The following QSER1 variants were observed in gnomAD, a reference collection of about 807,000 sequenced individuals.
QSER1 encodes the protein glutamine and serine rich 1.
A neutral mutation model predicts 158.5 loss-of-function variants in QSER1; 49 were observed. The observed-to-expected ratio is 0.31, with a 90% confidence interval of 0.25 to 0.39. The LOEUF is 0.39. Ranked by LOEUF, QSER1 falls within the 10% of genes least tolerant of loss-of-function variation. The probability of loss-of-function intolerance (pLI) is 1.00; values close to 1 mark genes in which losing one functional copy is unlikely to be tolerated. For missense variants in QSER1, 1,754 were observed against 2,010.3 expected, an observed-to-expected ratio of 0.87 and a Z score of 2.44; for synonymous variants, 650 against 715.5, an observed-to-expected ratio of 0.91 and a Z score of 1.46.
Position 32,900,151 on chromosome 11 carries a change from C to T in QSER1, c.209+6817C>T, listed in dbSNP as rs114563629. ...AGTTGCCTCCTGTTGCTTTTCTTGC[C>T]TCCTTTTAGGCCTTCTGTAATTTAT... On this transcript the variant is annotated intron_variant, in intron 1 of 12. Coordinates refer to ENST00000650167, the MANE Select transcript of QSER1 (RefSeq NM_001076786.3). Among the ~76,000 whole-genome samples the T allele has an allele frequency of 2.9e-3, 438 of 152,286 alleles. 4 individuals carry two copies. Among genetic ancestry groups the T allele is most frequent in the African/African-American group, 9.8e-3 (406 of 41,566 alleles).
chr11:32,894,059 G>A (rs866049143), intron 1 of QSER1, among the ~76,000 whole-genome samples: 24 of 144,950 alleles, frequency 1.7e-4, no homozygotes, highest in Middle Eastern at 3.5e-3. Flanking sequence ...GTGACTGAGA[G>A]TTGGGAAGAA....
intron 1 of QSER1, among the ~76,000 whole-genome samples, chr11:32,896,002 G>C (rs1000083457): frequency 4.6e-5 from 7 of 152,168 alleles, no homozygotes; most frequent in South Asian, 4.1e-4. Flanking sequence ...CTAGGTACTT[G>C]GAAAGTACAG....
At position 32,953,913 on chromosome 11, in the gene QSER1, A is replaced by G. The variant is rs905270220; in HGVS notation, c.4234A>G (p.Thr1412Ala). The G allele has an allele frequency of 6.2e-7, 1 of 1,614,050 alleles. No individual in the cohort carries two copies. Among genetic ancestry groups the G allele is most frequent in the African/African-American group, 1.3e-5 (1 of 74,920 alleles). ...PTANTTGTAT[T>A]SSTTVGAVKQ... is the part of the protein sequence containing the mutation. The stretch of plus-strand genomic sequence containing the variant: ...TGCCAATACTACTGGTACTGCTACT[A>G]CTTCCTCAACCACTGTGGGTGCAGT... Residue 1412 changes from threonine (T) to alanine (A), a missense_variant, in exon 5 of 13, where the codon ACT (threonine) becomes GCT (alanine). By Grantham distance (58) the Thr-to-Ala change is moderately conservative (BLOSUM62 0). Transcript: ENST00000650167.
At chr11:32,898,612 G>T (rs1477837098) in intron 1 of QSER1, among the ~76,000 whole-genome samples, 2 of 151,642 alleles carry the variant, frequency 1.3e-5, no homozygotes, top group Non-Finnish European at 2.9e-5. Context: ...CTTGAGACAG[G>T]GTCTAACTCT....
intron 1 of QSER1, among the ~76,000 whole-genome samples, chr11:32,902,189 G>A (rs1564924866): frequency 1.3e-5 from 2 of 152,174 alleles, no homozygotes; most frequent in Non-Finnish European, 2.9e-5. Flanking sequence ...TCTCCTAGAG[G>A]AAGTGCACTT....
chr11:32,971,659 G>A (rs1021505964), intron 10 of QSER1, among the ~76,000 whole-genome samples: 2 of 152,166 alleles, frequency 1.3e-5, no homozygotes, highest in Non-Finnish European at 2.9e-5. Flanking sequence ...GAACGTGATG[G>A]TAGCTCACTG....
intron 10 of QSER1, 65 bp downstream of exon 10, chr11:32,969,208 A>G: frequency 1.0e-6 from 1 of 966,548 alleles, no homozygotes. Context: ...TATAATAGGA[A>G]GGAAATTTAT....
At chr11:32,962,285 T>C (rs1051505540) in intron 8 of QSER1, among the ~76,000 whole-genome samples, 10 of 152,230 alleles carry the variant, frequency 6.6e-5, no homozygotes, top group African/African-American at 2.2e-4. Flanking sequence ...ATTTTTTCTA[T>C]GTCCTTATTG....
At chr11:32,947,751 T>C (rs1211605614) in intron 4 of QSER1, among the ~76,000 whole-genome samples, 2 of 152,214 alleles carry the variant, frequency 1.3e-5, no homozygotes, top group Non-Finnish European at 1.5e-5. Context: ...TTTTCCATTA[T>C]GTTATATTAT....
At chr11:32,902,131 T>C (rs1273179923) in intron 1 of QSER1, among the ~76,000 whole-genome samples, 1 of 152,172 alleles carries the variant, frequency 6.6e-6, no homozygotes, top group Non-Finnish European at 1.5e-5. Flanking sequence ...TTGTGGAGTT[T>C]ACATTCTTGG....
chr11:32,940,307 A>G (rs78421564), intron 4 of QSER1, among the ~76,000 whole-genome samples: 2,824 of 152,118 alleles, frequency 0.019, 41 homozygotes, highest in South Asian at 0.039. Context: ...TTTTTCTTGA[A>G]GTTTTGTTGC....
intron 4 of QSER1, among the ~76,000 whole-genome samples, chr11:32,953,636 A>G (rs532879671): frequency 3.9e-5 from 6 of 152,212 alleles, no homozygotes; most frequent in South Asian, 2.1e-4. Context: ...GGATAGGTAG[A>G]TAGTTGCAGG....
At position 32,935,419 on chromosome 11, in the gene QSER1, T is replaced by A. The variant is rs750162269; in HGVS notation, c.4161T>A (p.Asp1387Glu). The A allele has an allele frequency of 2.0e-6, 3 of 1,512,484 alleles. No homozygotes were observed. The East Asian group carries it at 6.9e-5, about 35-fold the overall frequency. The allele number at this position is 1,512,484 out of a possible 1,614,324, so 93.7% of individuals were successfully genotyped here. A position where few individuals can be genotyped will look rare whatever the true frequency, so the allele number is the denominator to read the frequency against. Reference sequence around the variant, plus strand: ...TAACTACTTTGGATGCTACTTCTGATAAAAAGAAGAAAACAGGTAAAGTTT... The same window carrying A: ...TAACTACTTTGGATGCTACTTCTGAAAAAAAGAAGAAAACAGGTAAAGTTT... ...TPLTTLDATSDKKKKTEALQV... is the reference protein window; with the variant it reads ...TPLTTLDATSEKKKKTEALQV... The change falls in exon 4 of 13, where the codon GAT becomes GAA. Residue 1387 changes from aspartate (D) to glutamate (E), a missense_variant. Asp to Glu is a conservative substitution (Grantham distance 45, BLOSUM62 2). Transcript: ENST00000650167.
Position 32,933,487 on chromosome 11 carries a change from T to C in QSER1, c.2229T>C (p.Asn743=). The change falls in exon 4 of 13, where the codon AAT becomes AAC. Residue 743 remains asparagine, a synonymous_variant. Transcript: ENST00000650167. ...ATTCTCAGAGTGTAATCAGAAGTAA[T>C]TCCCGTCTTGAAGATCAAGTTATTG... ...DRYSQSVIRS[N]SRLEDQVIGV... 1 of 1,611,976 alleles carries C rather than the reference T, an allele frequency of 6.2e-7. No homozygotes were observed. Among genetic ancestry groups the C allele is most frequent in the Middle Eastern group, 1.7e-4 (1 of 6,036 alleles).
In QSER1 at chr11:32,934,510, A is replaced by T; in HGVS notation, c.3252A>T (p.Pro1084=). ...TTGAAACACCTGGTCAAAATATACC[A>T]ACTAAAGTAACTTCAGCAGTGGTTG... ...QHIETPGQNI[P]TKVTSAVVGP... Residue 1084 remains proline (P), a synonymous_variant, in exon 4 of 13, where the codon CCA becomes CCT. Transcript: ENST00000650167. 5 of 1,613,668 alleles carry T rather than the reference A, an allele frequency of 3.1e-6. No individual in the cohort carries two copies. Among genetic ancestry groups the T allele is most frequent in the Non-Finnish European group, 4.2e-6 (5 of 1,179,990 alleles).
At chr11:32,908,933 G>A (rs1237544597) in intron 1 of QSER1, among the ~76,000 whole-genome samples, 2 of 152,172 alleles carry the variant, frequency 1.3e-5, no homozygotes, top group East Asian at 3.8e-4. Flanking sequence ...TTTGAGACGG[G>A]CAGATCTCGT....
rs1321249041 is a variant in QSER1 at position 32,941,235 on chromosome 11, TA to T, written c.4177+5801del. Among the ~76,000 whole-genome samples, 41 of 150,298 alleles carry T rather than the reference TA, an allele frequency of 2.7e-4. 1 individual carries two copies. Among genetic ancestry groups the T allele is most frequent in the Non-Finnish European group, 7.4e-5 (5 of 67,564 alleles). ...TTTTTATTATTATTATTATTATTAT[TA>T]TTTTTAATTATTATACTTTAAGTTT... On this transcript the variant is annotated intron_variant, in intron 4 of 12. Coordinates refer to ENST00000650167, the MANE Select transcript of QSER1 (RefSeq NM_001076786.3).
rs544355815 is a variant in QSER1 at position 32,959,236 on chromosome 11, A to T, written c.4969+1150A>T. Among the ~76,000 whole-genome samples, 5 of 152,370 alleles carry T rather than the reference A, an allele frequency of 3.3e-5. No homozygotes were observed. The East Asian group carries it at 7.7e-4, about 23-fold the overall frequency. Reference sequence around the variant, plus strand: ...TTCCATACAGTTGCTTTCCCACTACAGTGGCAGATTTGAGTAGTTCTACAG... The same window carrying T: ...TTCCATACAGTTGCTTTCCCACTACTGTGGCAGATTTGAGTAGTTCTACAG... On this transcript the variant is annotated intron_variant, in intron 8 of 12. Coordinates refer to ENST00000650167, the MANE Select transcript of QSER1 (RefSeq NM_001076786.3).
At chr11:32,940,580 G>A (rs1463741407) in intron 4 of QSER1, among the ~76,000 whole-genome samples, 1 of 151,996 alleles carries the variant, frequency 6.6e-6, no homozygotes, top group Non-Finnish European at 1.5e-5. Context: ...ACATAATAGG[G>A]ATTTGATAAA....
Sources: allele counts gnomAD v4.1 joint callset (sites outside exome capture counted in the v4.1 genomes callset), GRCh38; gene constraint gnomAD v4.1.1; transcripts MANE v1.5; gene names NCBI Gene and HGNC (gene_info 2026-07-23, HGNC 2026-07-21).